The following LRRC61 variants were observed in gnomAD, a reference collection of about 807,000 sequenced individuals.
LRRC61 encodes leucine rich repeat containing 61, also known as leucine-rich repeat-containing protein 61.
LRRC61 carries 9 observed loss-of-function variants against 15.1 expected under a neutral mutation model. The ratio of observed to expected loss-of-function variants is 0.60; its 90% CI spans 0.36 to 1.04. LRRC61 has a LOEUF of 1.04. Ranked by LOEUF, LRRC61 falls within the 50% of genes least tolerant of loss-of-function variation. LRRC61 has a pLI of 0.01. For missense variants in LRRC61, 344 were observed against 335.6 expected (o/e 1.03, Z -0.20); for synonymous variants, 173 against 158.6 (o/e 1.09, Z -0.68).
At chr7:150,323,786 A>G (rs1797817960) in intron 1 of LRRC61, 2 of 440,392 alleles carry the variant, frequency 4.5e-6, no homozygotes, top group Middle Eastern at 6.7e-4. Context: ...TAACAATCTC[A>G]TGAGGCGGGT....
the LRRC61 span, among the ~76,000 whole-genome samples, chr7:150,316,132 G>A: frequency 1.3e-5 from 2 of 152,180 alleles, no homozygotes; most frequent in African/African-American, 4.8e-5. Flanking sequence ...GGGAGGTGGA[G>A]GTTGCAGTGA....
In LRRC61 at chr7:150,323,498, G is replaced by C. The variant is rs1302878808; in HGVS notation, c.-377G>C. On this transcript the variant is annotated 5_prime_UTR_variant, in exon 1 of 3. Coordinates refer to ENST00000359623, the MANE Select transcript of LRRC61 (RefSeq NM_001142928.2). ...CGAGGAGGCGCCGGCTCTGCGGTGC[G>C]GAGTTGCGCCGGACTTCCCAGCTTG... The C allele has an allele frequency of 2.3e-6, 1 of 428,708 alleles. No homozygotes were observed. Among genetic ancestry groups the C allele is most frequent in the Admixed American group, 2.6e-5 (1 of 38,852 alleles). 26.6% of individuals were successfully genotyped at this position (428,708 alleles called of 1,614,324 possible).
chr7:150,324,880 C>A (rs1372227691), intron 1 of LRRC61, among the ~76,000 whole-genome samples: 2 of 152,154 alleles, frequency 1.3e-5, no homozygotes, highest in African/African-American at 4.8e-5. Flanking sequence ...ACTGAAGGGA[C>A]CTTTGACCCC....
intron 2 of LRRC61, among the ~76,000 whole-genome samples, chr7:150,327,344 G>A (rs1396012747): frequency 6.6e-6 from 1 of 152,164 alleles, no homozygotes; most frequent in Non-Finnish European, 1.5e-5. Context: ...AAAGCCCAAG[G>A]GGCCCTGGTC....
the LRRC61 span, among the ~76,000 whole-genome samples, chr7:150,314,663 C>T: frequency 6.6e-6 from 1 of 151,322 alleles, no homozygotes; most frequent in Non-Finnish European, 1.5e-5. Context: ...ATGTTTAAGG[C>T]TGAGCTTGGT....
At chr7:150,324,606 A>G (rs1222677082) in intron 1 of LRRC61, among the ~76,000 whole-genome samples, 2 of 152,122 alleles carry the variant, frequency 1.3e-5, no homozygotes, top group African/African-American at 4.8e-5. Flanking sequence ...ACAGCACTCC[A>G]GGACTTGCCT....
At chr7:150,332,948 C>T (rs1798157958) in intron 2 of LRRC61, among the ~76,000 whole-genome samples, 1 of 152,128 alleles carries the variant, frequency 6.6e-6, no homozygotes, top group South Asian at 2.1e-4. Flanking sequence ...GTACCTCACT[C>T]GCAGGATCCT....
chr7:150,329,951 G>A (rs1299345973), intron 2 of LRRC61: 5 of 167,732 alleles, frequency 3.0e-5, no homozygotes, highest in Non-Finnish European at 6.5e-5. Flanking sequence ...AGGCCAGCCT[G>A]TGGCTGGGCC....
intron 2 of LRRC61, chr7:150,334,043 C>T (rs1404252863): frequency 1.5e-5 from 15 of 985,230 alleles, no homozygotes; most frequent in African/African-American, 8.7e-5. Context: ...ATTTCTGTCC[C>T]GGTGGGGTCT....
At chr7:150,328,766 CATAT>C (rs1798021330) in intron 2 of LRRC61, 1 of 152,232 alleles carries the variant, frequency 6.6e-6, no homozygotes, top group Non-Finnish European at 1.5e-5. Flanking sequence ...GTTCTTGCTT[CATAT>C]ATCCTTCCCT....
At chr7:150,310,233 C>G in the LRRC61 span, among the ~76,000 whole-genome samples, 1 of 152,146 alleles carries the variant, frequency 6.6e-6, no homozygotes, top group African/African-American at 2.4e-5. Context: ...GTCTCCCCAC[C>G]TTAATCCACA....
At chr7:150,312,246 G>A in the LRRC61 span, among the ~76,000 whole-genome samples, 1 of 152,016 alleles carries the variant, frequency 6.6e-6, no homozygotes, top group South Asian at 2.1e-4. Context: ...TCCAACTCAG[G>A]GCAAGAGGTT....
chr7:150,336,660 G>A (rs938606643), intron 2 of LRRC61, 58 bp from the exon 3 acceptor site: 20 of 657,674 alleles, frequency 3.0e-5, no homozygotes, highest in African/African-American at 5.5e-5. Context: ...ACTCCCTGCC[G>A]TCACCTGCTG....
chr7:150,326,701 T>G (rs59211922), intron 2 of LRRC61, among the ~76,000 whole-genome samples: 44,714 of 144,444 alleles, frequency 0.31, 7,191 homozygotes, highest in East Asian at 0.42. Flanking sequence ...AAAAAAAAAA[T>G]ACTTTGGAGG....
chr7:150,331,053 GAGA>G, intron 2 of LRRC61: 1 of 1,612,204 alleles, frequency 6.2e-7, no homozygotes, highest in Non-Finnish European at 8.5e-7. Flanking sequence ...GGCTTACTGG[GAGA>G]AGAAGCGAGA....
chr7:150,334,849 T>A (rs1392579192), intron 2 of LRRC61, among the ~76,000 whole-genome samples: 4 of 151,956 alleles, frequency 2.6e-5, no homozygotes. Context: ...TGAAACCCCG[T>A]CTCTACTAAA....
chr7:150,314,326 A>G, the LRRC61 span, among the ~76,000 whole-genome samples: 2 of 152,132 alleles, frequency 1.3e-5, no homozygotes, highest in South Asian at 4.1e-4. Context: ...TATTTAATAC[A>G]CCTTAGAAAA....
chr7:150,319,269 G>A (rs377166983), upstream of LRRC61, among the ~76,000 whole-genome samples: 8 of 150,776 alleles, frequency 5.3e-5, no homozygotes, highest in African/African-American at 1.2e-4. Flanking sequence ...GTCCAATGGC[G>A]TGAGCTTGGC....
At chr7:150,313,954 A>G in the LRRC61 span, among the ~76,000 whole-genome samples, 1 of 152,222 alleles carries the variant, frequency 6.6e-6, no homozygotes, top group Non-Finnish European at 1.5e-5. Flanking sequence ...GGTAAGTGTT[A>G]GTGGCAGAAA....
Sources: allele counts gnomAD v4.1 joint callset (sites outside exome capture counted in the v4.1 genomes callset), GRCh38; gene constraint gnomAD v4.1.1; transcripts MANE v1.5; gene names NCBI Gene and HGNC (gene_info 2026-07-23, HGNC 2026-07-21).